TOB1: variants seen among roughly 807,000 people sequenced by gnomAD.
TOB1 encodes the protein protein Tob1.
TOB1 carries 2 observed loss-of-function variants against 22.9 expected under a neutral mutation model. That is an observed-to-expected ratio of 0.09 (90% CI 0.04 to 0.28). The LOEUF (loss-of-function observed/expected upper bound fraction) is 0.28, where lower values mean the gene tolerates loss of function less well. Among genes scored for constraint, TOB1 ranks in the 10% least tolerant of loss-of-function variants. The pLI is 1.00. For missense variants in TOB1, 299 were observed against 420.5 expected (o/e 0.71, Z 2.53); for synonymous variants, 154 against 150.6 (o/e 1.02, Z -0.17).
rs753801414 is a variant in TOB1 at position 50,863,393 on chromosome 17, G to C, written c.625C>G (p.Leu209Val). ...AAGAGGTCATTCACATTCAAGCCGA[G>C]GTTGATGGGAGAAGTACGTGCAACC... is the stretch of plus-strand genomic sequence containing the variant. ...NKVARTSPIN[L>V]GLNVNDLLKQ... The change falls in exon 2 of 2, where the codon CTC becomes GTC. Residue 209 changes from leucine (L) to valine (V), a missense_variant. Leu to Val is a conservative substitution (Grantham distance 32). Transcript: ENST00000499247. The C allele has an allele frequency of 1.2e-6, 2 of 1,614,152 alleles. No individual in the cohort carries two copies. The highest frequency in any genetic ancestry group is 2.2e-5 in the South Asian group (2 of 91,072).
At position 50,863,373 on chromosome 17, in the gene TOB1, G is replaced by A; in HGVS notation, c.645C>T (p.Asp215=). ...SPINLGLNVN[D]LLKQKAISSS... Reference sequence around the variant, plus strand: ...AAGAGATGGCTTTCTGCTTCAAGAGGTCATTCACATTCAAGCCGAGGTTGA... The same window carrying A: ...AAGAGATGGCTTTCTGCTTCAAGAGATCATTCACATTCAAGCCGAGGTTGA... The change falls in exon 2 of 2, where the codon GAC becomes GAT. Residue 215 remains aspartate, a synonymous_variant. Transcript: ENST00000499247. 6.2e-7 allele frequency: 1 copy of A among 1,614,122 alleles called. No homozygotes were observed. Among genetic ancestry groups the A allele is most frequent in the Non-Finnish European group, 8.5e-7 (1 of 1,180,048 alleles).
At position 50,862,892 on chromosome 17, in the gene TOB1, GC is replaced by G; in HGVS notation, c.*87del. 1 of 1,459,696 alleles carries G rather than the reference GC, an allele frequency of 6.9e-7. No individual in the cohort carries two copies. Among genetic ancestry groups the G allele is most frequent in the East Asian group, 2.4e-5 (1 of 42,478 alleles). 90.4% of individuals were successfully genotyped at this position (1,459,696 alleles called of 1,614,324 possible). On this transcript the variant is annotated 3_prime_UTR_variant, in exon 2 of 2. Coordinates refer to ENST00000499247, the MANE Select transcript of TOB1 (RefSeq NM_005749.4). ...AAGCTTGAATGTATCCTTACTATAA[GC>G]TTAAAAAAAAAAATTCTCAAGGAGG...
upstream of TOB1, chr17:50,867,273 G>T (rs1316960779): frequency 6.6e-6 from 1 of 152,326 alleles, no homozygotes; most frequent in Non-Finnish European, 1.5e-5. Flanking sequence ...TCTAGGGCTT[G>T]CTGGATCGCA....
At chr17:50,867,283 A>T (rs991018915), upstream of TOB1, 1 of 152,348 alleles carries the variant, frequency 6.6e-6, no homozygotes, top group African/African-American at 2.4e-5. Flanking sequence ...GCTGGATCGC[A>T]GGTGCACAGA....
chr17:50,863,913 A>G lies in TOB1; in HGVS notation c.105T>C (p.Leu35=), dbSNP rs371095924. Reference sequence around the variant, plus strand: ...AGTGCCCTTCATATTTCTTCTTAAGAAGTCTTTCAAGTTCTTCACCAAAAA... The same window carrying G: ...AGTGCCCTTCATATTTCTTCTTAAGGAGTCTTTCAAGTTCTTCACCAAAAA... ...VNIFGEELER[L]LKKKYEGHWY... is the part of the protein sequence containing the mutation. Residue 35 remains leucine (L), a synonymous_variant, in exon 2 of 2, where the codon CTT becomes CTC. Coordinates refer to ENST00000499247, the MANE Select transcript of TOB1 (RefSeq NM_005749.4). 8.7e-6 allele frequency: 14 copies of G among 1,613,998 alleles called. No homozygotes were observed. In the African/African-American group the frequency reaches 1.9e-4, roughly 22 times the overall value.
chr17:50,863,865 T>C lies in TOB1; in HGVS notation c.153A>G (p.Lys51=). The C allele has an allele frequency of 6.2e-7, 1 of 1,614,128 alleles. No homozygotes were observed. The highest frequency in any genetic ancestry group is 8.5e-7 in the Non-Finnish European group (1 of 1,180,022). ...EGHWYPEKPY[K]GSGFRCIHIG... The stretch of plus-strand genomic sequence containing the variant: ...TGTGTATACATCTAAACCCCGATCC[T>C]TTGTATGGCTTTTCAGGATACCAGT... Residue 51 remains lysine, a synonymous_variant, in exon 2 of 2, where the codon AAA becomes AAG. Transcript: ENST00000499247.
At chr17:50,864,563 T>G (rs1972268613) in intron 1 of TOB1, among the ~76,000 whole-genome samples, 1 of 152,136 alleles carries the variant, frequency 6.6e-6, no homozygotes, top group Non-Finnish European at 1.5e-5. Context: ...CACTTTTAGG[T>G]AGTAATTTTT....
chr17:50,865,276 A>G (rs908382534), intron 1 of TOB1, among the ~76,000 whole-genome samples: 7 of 152,248 alleles, frequency 4.6e-5, no homozygotes, highest in Non-Finnish European at 1.0e-4. Context: ...TTCCAAGTCA[A>G]AAGCCTGAGT....
Position 50,863,447 on chromosome 17 carries a change from T to A in TOB1, c.571A>T (p.Lys191Ter). The change falls in exon 2 of 2, where the codon AAA becomes TAA. Residue 191 changes from lysine (K) to a stop codon, truncating the protein, a stop_gained. Transcript: ENST00000499247. LOFTEE classifies it high-confidence loss of function. ...TTGCTACGGCCACTATTCTTCATTTTGGTAGAGCCGAACTTGGTGGCAGCA... is the reference window on the plus strand; with the variant it reads ...TTGCTACGGCCACTATTCTTCATTTAGGTAGAGCCGAACTTGGTGGCAGCA... ...TFAATKFGST[K>*]MKNSGRSNKV... The A allele has an allele frequency of 6.2e-7, 1 of 1,614,196 alleles. No homozygotes were observed. Among genetic ancestry groups the A allele is most frequent in the Non-Finnish European group, 8.5e-7 (1 of 1,180,036 alleles).
At position 50,863,292 on chromosome 17, in the gene TOB1, TTGCTGTGGCTGC is replaced by T; in HGVS notation, c.714_725del (p.Pro240_Gln243del). 1.2e-6 allele frequency: 2 copies of T among 1,614,012 alleles called. No individual in the cohort carries two copies. The highest frequency in any genetic ancestry group is 1.7e-6 in the Non-Finnish European group (2 of 1,179,984). On this transcript the variant is annotated inframe_deletion, in exon 2 of 2. Transcript: ENST00000499247. ...GTGGCGGCTGGGCTGGCTGCTGCTG[TTGCTGTGGCTGC>T]TGCTGGCTACCCAAGCCAAGCCCAT...
chr17:50,864,834 C>A (rs1292550443), intron 1 of TOB1, among the ~76,000 whole-genome samples: 3 of 152,228 alleles, frequency 2.0e-5, no homozygotes, highest in Non-Finnish European at 4.4e-5. Flanking sequence ...AATCCAGCTT[C>A]TCTGGGCCTT....
At chr17:50,867,236 G>C (rs1427163508), upstream of TOB1, 1 of 152,328 alleles carries the variant, frequency 6.6e-6, no homozygotes. Flanking sequence ...CTGTGTCCAT[G>C]TCTACACACA....
At position 50,862,937 on chromosome 17, in the gene TOB1, T is replaced by C. The variant is rs748192015; in HGVS notation, c.*43A>G. 3.9e-6 allele frequency: 6 copies of C among 1,530,330 alleles called. No homozygotes were observed. The African/African-American group carries it at 5.6e-5, about 14-fold the overall frequency. The allele number at this position is 1,530,330 out of a possible 1,614,324, so 94.8% of individuals were successfully genotyped here. On this transcript the variant is annotated 3_prime_UTR_variant, in exon 2 of 2. Coordinates refer to ENST00000499247, the MANE Select transcript of TOB1 (RefSeq NM_005749.4). ...AAGGAGGTGAAAAAAAAAATCCCCC[T>C]TGGGCCCGTGCATTTTAACTTGTAC...
upstream of TOB1, chr17:50,866,494 C>T (rs898620493): frequency 1.3e-5 from 2 of 152,304 alleles, no homozygotes; most frequent in Admixed American, 1.3e-4. Flanking sequence ...GCACCCCGGT[C>T]CCCCGCCGGC....
upstream of TOB1, chr17:50,866,925 G>A (rs1028583545): frequency 6.6e-6 from 1 of 152,408 alleles, no homozygotes; most frequent in Non-Finnish European, 1.5e-5. Flanking sequence ...CAGGGGCGGG[G>A]TAGAGAAAGG....
At position 50,865,672 on chromosome 17, in the gene TOB1, C is replaced by T. The variant is rs1292275911; in HGVS notation, c.-147+386G>A. On this transcript the variant is annotated intron_variant, in intron 1 of 1. Coordinates refer to ENST00000499247, the MANE Select transcript of TOB1 (RefSeq NM_005749.4). Reference sequence around the variant, plus strand: ...GCTCCCCGCCCCGTGGCCCCCGCCCCGGGCTCCTGGGAGCCGGCCAGAGCC... The same window carrying T: ...GCTCCCCGCCCCGTGGCCCCCGCCCTGGGCTCCTGGGAGCCGGCCAGAGCC... 3.3e-5 allele frequency among the ~76,000 whole-genome samples: 5 copies of T among 152,192 alleles called. No individual in the cohort carries two copies. In the East Asian group the frequency reaches 9.7e-4, roughly 30 times the overall value.
At chr17:50,867,664 G>T, upstream of TOB1, 1 of 152,418 alleles carries the variant, frequency 6.6e-6, no homozygotes, top group Non-Finnish European at 1.5e-5. Context: ...CCATCGCCTG[G>T]CCTTCCCCTT....
chr17:50,867,308 T>A, upstream of TOB1: 1 of 152,338 alleles, frequency 6.6e-6, no homozygotes, highest in East Asian at 1.9e-4. Context: ...ACGCGGTGCC[T>A]GCTTGTAAAG....
chr17:50,865,700 G>C (rs1473738066), intron 1 of TOB1, among the ~76,000 whole-genome samples: 3 of 152,010 alleles, frequency 2.0e-5, no homozygotes, highest in East Asian at 3.9e-4. Context: ...CCAGAGCCTG[G>C]GGGAGCACCG....
Sources: allele counts gnomAD v4.1 joint callset (sites outside exome capture counted in the v4.1 genomes callset), GRCh38; gene constraint gnomAD v4.1.1; transcripts MANE v1.5; gene names NCBI Gene and HGNC (gene_info 2026-07-23, HGNC 2026-07-21).